The following IGSF21 variants were observed in gnomAD, a reference collection of about 807,000 sequenced individuals.
The protein encoded by IGSF21 is immunoglobulin superfamily member 21.
A neutral mutation model predicts 46.8 loss-of-function variants in IGSF21; 28 were observed. The observed-to-expected ratio is 0.60, with a 90% CI of 0.44 to 0.82. IGSF21 has a LOEUF of 0.82. Among genes scored for constraint, IGSF21 ranks in the 40% least tolerant of loss-of-function variants. The probability of loss-of-function intolerance (pLI) is 0.00; values close to 1 mark genes in which losing one functional copy is unlikely to be tolerated. For missense variants in IGSF21, 624 were observed against 665.5 expected (o/e 0.94, Z 0.69); for synonymous variants, 284 against 273.6 (o/e 1.04, Z -0.38).
chr1:18,352,346 A>T lies in IGSF21; in HGVS notation c.425-9769A>T, dbSNP rs1383060113. Among the ~76,000 whole-genome samples the T allele has an allele frequency of 3.9e-5, 6 of 152,266 alleles. 1 individual carries two copies. In the South Asian group the frequency reaches 8.3e-4, roughly 21 times the overall value. On this transcript the variant is annotated intron_variant, in intron 4 of 9. Transcript: ENST00000251296. ...TACATAGATTAAAGCAGCGGTCCAC[A>T]TATTTGAACTTGGATTAGAATCTCA...
At chr1:18,151,516 T>A (rs1288490912) in intron 1 of IGSF21, among the ~76,000 whole-genome samples, 1 of 152,152 alleles carries the variant, frequency 6.6e-6, no homozygotes, top group Non-Finnish European at 1.5e-5. Flanking sequence ...ACCATCGACA[T>A]CCACATTCTA....
At chr1:18,180,741 C>G (rs1035445332) in intron 1 of IGSF21, among the ~76,000 whole-genome samples, 1 of 152,202 alleles carries the variant, frequency 6.6e-6, no homozygotes, top group Non-Finnish European at 1.5e-5. Context: ...TGGCACTGTT[C>G]TATGCATTTT....
At chr1:18,192,344 T>C (rs889853789) in intron 1 of IGSF21, among the ~76,000 whole-genome samples, 8 of 152,244 alleles carry the variant, frequency 5.3e-5, no homozygotes, top group Admixed American at 4.6e-4. Context: ...TTTCAAGGCA[T>C]ATTAGTGAAT....
chr1:18,267,451 T>G (rs987434786), intron 2 of IGSF21, among the ~76,000 whole-genome samples: 1 of 152,166 alleles, frequency 6.6e-6, no homozygotes, highest in African/African-American at 2.4e-5. Context: ...GGCCTCCCAC[T>G]TGGGCCCACC....
chr1:18,256,428 G>C (rs223180), intron 2 of IGSF21, among the ~76,000 whole-genome samples: 1 of 152,204 alleles, frequency 6.6e-6, no homozygotes, highest in East Asian at 1.9e-4. Context: ...CAAGGAAAGC[G>C]TACAGCTGTC....
chr1:18,353,659 TC>T (rs759947610), intron 4 of IGSF21, among the ~76,000 whole-genome samples: 8 of 152,172 alleles, frequency 5.3e-5, no homozygotes, highest in Non-Finnish European at 8.8e-5. Context: ...TTCTTGAAAG[TC>T]CTGACAAGGC....
intron 2 of IGSF21, among the ~76,000 whole-genome samples, chr1:18,232,321 G>A (rs1295418943): frequency 6.7e-6 from 1 of 150,078 alleles, no homozygotes; most frequent in East Asian, 2.0e-4. Flanking sequence ...TCAAGAAAAT[G>A]AATAATAAAT....
chr1:18,125,560 G>A (rs901855890), intron 1 of IGSF21, among the ~76,000 whole-genome samples: 1 of 152,206 alleles, frequency 6.6e-6, no homozygotes, highest in African/African-American at 2.4e-5. Flanking sequence ...GGAAGGGAGA[G>A]TTCACTTCCT....
chr1:18,313,048 C>G (rs1427836314), intron 3 of IGSF21, among the ~76,000 whole-genome samples: 1 of 152,210 alleles, frequency 6.6e-6, no homozygotes, highest in Non-Finnish European at 1.5e-5. Context: ...TTTACTCATC[C>G]CTGTACCCCC....
chr1:18,354,853 TGCTC>T (rs2085998203), intron 4 of IGSF21, among the ~76,000 whole-genome samples: 2 of 78,228 alleles, frequency 2.6e-5, no homozygotes, highest in Non-Finnish European at 5.4e-5. Flanking sequence ...CTTTCCTGTT[TGCTC>T]AGCACTTTGC....
chr1:18,122,874 G>A (rs1003320410), intron 1 of IGSF21, among the ~76,000 whole-genome samples: 4 of 152,132 alleles, frequency 2.6e-5, no homozygotes, highest in South Asian at 2.1e-4. Flanking sequence ...CAATCTGCCC[G>A]CCTTGGCCTC....
chr1:18,316,030 T>C (rs1569795229), intron 3 of IGSF21, among the ~76,000 whole-genome samples: 2 of 152,158 alleles, frequency 1.3e-5, no homozygotes, highest in South Asian at 2.1e-4. Context: ...CATGCTCCAG[T>C]GCAGGTATTC....
At chr1:18,263,690 G>A (rs914764145) in intron 2 of IGSF21, among the ~76,000 whole-genome samples, 9 of 152,036 alleles carry the variant, frequency 5.9e-5, no homozygotes, top group East Asian at 5.8e-4. Flanking sequence ...CGAAAAGTGC[G>A]GATTCCCAGT....
chr1:18,242,067 C>A (rs1192822841), intron 2 of IGSF21, among the ~76,000 whole-genome samples: 1 of 151,618 alleles, frequency 6.6e-6, no homozygotes, highest in Non-Finnish European at 1.5e-5. Flanking sequence ...CATCACCCTG[C>A]CGGAGCCATC....
chr1:18,371,890 A>G (rs955808337), intron 6 of IGSF21, among the ~76,000 whole-genome samples: 4 of 152,246 alleles, frequency 2.6e-5, no homozygotes, highest in African/African-American at 9.6e-5. Context: ...TGAATCGCCC[A>G]CAAGGTAGGA....
chr1:18,134,838 A>G (rs2086354590), intron 1 of IGSF21, among the ~76,000 whole-genome samples: 2 of 152,350 alleles, frequency 1.3e-5, no homozygotes, highest in South Asian at 2.1e-4. Flanking sequence ...GGCCTCAGTC[A>G]GTTACAGTGA....
chr1:18,378,239 C>T lies in IGSF21; in HGVS notation c.1334-17C>T, dbSNP rs1213587746. On this transcript the variant is annotated splice_polypyrimidine_tract_variant and intron_variant, in intron 9 of 9. Transcript: ENST00000251296. Reference sequence around the variant, plus strand: ...TGGGTCTGCAGGCTCTGACCCTTTCCCTGATTCCTGGCACAGGTTCCATTG... The same window carrying T: ...TGGGTCTGCAGGCTCTGACCCTTTCTCTGATTCCTGGCACAGGTTCCATTG... 1 of 1,613,030 alleles carries T rather than the reference C, an allele frequency of 6.2e-7. No homozygotes were observed. Among genetic ancestry groups the T allele is most frequent in the South Asian group, 1.1e-5 (1 of 91,028 alleles).
At chr1:18,252,611 G>C (rs2124528653) in intron 2 of IGSF21, among the ~76,000 whole-genome samples, 1 of 152,300 alleles carries the variant, frequency 6.6e-6, no homozygotes, top group South Asian at 2.1e-4. Flanking sequence ...CAAACAGCTG[G>C]GGAAGCCTGG....
At chr1:18,160,855 G>T (rs1346747516) in intron 1 of IGSF21, among the ~76,000 whole-genome samples, 1 of 152,166 alleles carries the variant, frequency 6.6e-6, no homozygotes, top group Non-Finnish European at 1.5e-5. Flanking sequence ...GACCAATGTG[G>T]GCTCTGACGG....
Sources: gnomAD v4.1 joint callset for allele counts (sites outside exome capture counted in the v4.1 genomes callset) on GRCh38, gnomAD v4.1.1 for gene constraint, MANE v1.5 for transcripts, NCBI Gene and HGNC (gene_info 2026-07-23, HGNC 2026-07-21) for gene names.